DHX29: variants seen among roughly 807,000 people sequenced by gnomAD.
DHX29 encodes DExH-box helicase 29, also known as ATP-dependent RNA helicase DHX29.
Under a neutral mutation model 167.9 loss-of-function variants are expected in DHX29, and 79 were observed. The ratio of observed to expected loss-of-function variants is 0.47; its 90% CI spans 0.39 to 0.57. DHX29 has a LOEUF of 0.57. DHX29 is among the 20% of genes least tolerant of loss of function. DHX29 has a pLI of 0.00. For synonymous variants in DHX29, 530 were observed against 546.0 expected (o/e 0.97, Z 0.41); for missense variants, 1,347 against 1,593.4 (o/e 0.85, Z 2.63).
At chr5:55,296,199 G>T (rs1748309975) in intron 4 of DHX29, 21 bp downstream of exon 4, 2 of 1,588,034 alleles carry the variant, frequency 1.3e-6, no homozygotes, top group Non-Finnish European at 1.7e-6. Context: ...GAAACTGAAA[G>T]AATTTAATGA....
At chr5:55,270,738 A>G (rs1413486928) in intron 18 of DHX29, 32 bp from the exon 19 acceptor site, 1 of 1,573,382 alleles carries the variant, frequency 6.4e-7, no homozygotes, top group Non-Finnish European at 8.7e-7. Context: ...GAATATGTAG[A>G]TAATTGACTT....
At chr5:55,288,597 T>G (rs573510211) in intron 8 of DHX29, among the ~76,000 whole-genome samples, 1 of 152,192 alleles carries the variant, frequency 6.6e-6, no homozygotes, top group Admixed American at 6.5e-5. Context: ...TTCTCAAAAC[T>G]AAAATGCAAT....
chr5:55,274,597 TGAA>T lies in DHX29; in HGVS notation c.2690+14_2690+16del. On this transcript the variant is annotated intron_variant, in intron 16 of 26. Transcript: ENST00000251636. ...TATTTTAAAACTACCAGGAATATAATGAAGATGAGTAGTTACCGTTCAGAATAA... is the reference window on the plus strand; with the variant it reads ...TATTTTAAAACTACCAGGAATATAATGATGAGTAGTTACCGTTCAGAATAA... The T allele has an allele frequency of 6.6e-7, 1 of 1,508,656 alleles. No individual in the cohort carries two copies. The highest frequency in any genetic ancestry group is 9.0e-7 in the Non-Finnish European group (1 of 1,106,316). The allele number at this position is 1,508,656 out of a possible 1,614,324, so 93.5% of individuals were successfully genotyped here. A position where few individuals can be genotyped will look rare whatever the true frequency, so the allele number is the denominator to read the frequency against.
chr5:55,285,415 C>A lies in DHX29; in HGVS notation c.1234G>T (p.Val412Phe). The A allele has an allele frequency of 6.2e-7, 1 of 1,602,942 alleles. No homozygotes were observed. Among genetic ancestry groups the A allele is most frequent in the Non-Finnish European group, 8.5e-7 (1 of 1,176,262 alleles). The change falls in exon 10 of 27, where the codon GTT (valine) becomes TTT (phenylalanine). Residue 412 changes from valine to phenylalanine, a missense_variant and splice_region_variant. Transcript: ENST00000251636. ...TCATCTTCAGACTTGATTACCCTAA[C>A]CCTACAAAGAAGCAAACGCATTTTA... ...VPVGRYWKCR[V>F]RVIKSEDDVL...
intron 2 of DHX29, 48 bp downstream of exon 2, chr5:55,298,543 A>G (rs1390310123): frequency 8.5e-7 from 1 of 1,172,542 alleles, no homozygotes; most frequent in Non-Finnish European, 1.3e-6. Context: ...TTTGGGGGAA[A>G]AAAGGGGGAA....
Position 55,266,297 on chromosome 5 carries a change from T to A in DHX29, c.3525+841A>T, listed in dbSNP as rs1466793344. On this transcript the variant is annotated intron_variant, in intron 23 of 26. Transcript: ENST00000251636. ...AGGCATGAGCCACTGCGCCCAGTCC[T>A]TGTGTTGTTTTTGTTTTTTTTTTTT... Among the ~76,000 whole-genome samples the A allele has an allele frequency of 3.3e-5, 5 of 150,940 alleles. No individual in the cohort carries two copies. In the East Asian group the frequency reaches 9.7e-4, roughly 29 times the overall value.
At chr5:55,284,908 C>A (rs1271523661) in intron 10 of DHX29, among the ~76,000 whole-genome samples, 1 of 152,144 alleles carries the variant, frequency 6.6e-6, no homozygotes, top group Admixed American at 6.5e-5. Flanking sequence ...GTGGCACATG[C>A]CTGTAGTCCC....
In DHX29 at chr5:55,289,527, T is replaced by C. The variant is rs576326215; in HGVS notation, c.908-99A>G. The C allele has an allele frequency of 1.2e-4, 109 of 922,480 alleles. No individual in the cohort carries two copies. In the East Asian group the frequency reaches 3.3e-3, roughly 28 times the overall value. 57.1% of individuals were successfully genotyped at this position (922,480 alleles called of 1,614,324 possible). Reference sequence around the variant, plus strand: ...TGGTATTTATACACCAAGAGTTTCATGGTTTTCATGCCTTATTTTTTAAAA... The same window carrying C: ...TGGTATTTATACACCAAGAGTTTCACGGTTTTCATGCCTTATTTTTTAAAA... On this transcript the variant is annotated intron_variant, in intron 7 of 26. Coordinates refer to ENST00000251636, the MANE Select transcript of DHX29 (RefSeq NM_019030.4).
Position 55,307,585 on chromosome 5 carries a change from G to T in DHX29, c.-12C>A. 6.2e-7 allele frequency: 1 copy of T among 1,612,830 alleles called. No individual in the cohort carries two copies. Among genetic ancestry groups the T allele is most frequent in the South Asian group, 1.1e-5 (1 of 91,014 alleles). Reference sequence around the variant, plus strand: ...TTCTTGCCGCCCATGTTGCAGCTGTGGCAGAAGATCCTTCGCGGCCCAGGC... The same window carrying T: ...TTCTTGCCGCCCATGTTGCAGCTGTTGCAGAAGATCCTTCGCGGCCCAGGC... On this transcript the variant is annotated 5_prime_UTR_variant, in exon 1 of 27. Coordinates refer to ENST00000251636, the MANE Select transcript of DHX29 (RefSeq NM_019030.4).
intron 23 of DHX29, among the ~76,000 whole-genome samples, chr5:55,264,704 T>G (rs1162000544): frequency 6.6e-6 from 1 of 152,182 alleles, no homozygotes; most frequent in Non-Finnish European, 1.5e-5. Flanking sequence ...ACATCAAATA[T>G]ATTTAAATCA....
intron 24 of DHX29, 151 bp from the exon 25 acceptor site, chr5:55,261,650 C>T (rs1034904089): frequency 3.0e-5 from 18 of 606,846 alleles, no homozygotes; most frequent in South Asian, 1.1e-4. Context: ...TTCTTATGTG[C>T]ATAATTTATC....
At chr5:55,305,875 G>A (rs892653483) in intron 1 of DHX29, among the ~76,000 whole-genome samples, 1 of 152,156 alleles carries the variant, frequency 6.6e-6, no homozygotes, top group East Asian at 1.9e-4. Context: ...CAAAGGAAAA[G>A]ATAGAAGTAA....
At chr5:55,292,002 C>T (rs969120769) in intron 6 of DHX29, among the ~76,000 whole-genome samples, 22 of 152,276 alleles carry the variant, frequency 1.4e-4, no homozygotes, top group Non-Finnish European at 1.6e-4. Context: ...AATATCTCCT[C>T]CAAGACTCTG....
chr5:55,289,350 G>A lies in DHX29; in HGVS notation c.986C>T (p.Pro329Leu). Reference protein sequence around the residue: ...ISHQQNERKKPPVATEGESAL... With the variant: ...ISHQQNERKKLPVATEGESAL... ...ACTTTCTCCTTCTGTGGCTACAGGAGGCTTTTTCCTTTCATTTTGTTGATG... is the reference window on the plus strand; with the variant it reads ...ACTTTCTCCTTCTGTGGCTACAGGAAGCTTTTTCCTTTCATTTTGTTGATG... The change falls in exon 8 of 27, where the codon CCT (proline) becomes CTT (leucine). Residue 329 changes from proline to leucine, a missense_variant. Around this residue, in one of 3 missense-constraint regions of DHX29, gnomAD observed 405 missense variants for 416.8 expected, o/e 0.97. Coordinates refer to ENST00000251636, the MANE Select transcript of DHX29 (RefSeq NM_019030.4). The A allele has an allele frequency of 1.9e-6, 3 of 1,600,348 alleles. No individual in the cohort carries two copies. The highest frequency in any genetic ancestry group is 2.3e-5 in the East Asian group (1 of 44,010).
chr5:55,305,209 GAA>G (rs1409091706), intron 1 of DHX29, among the ~76,000 whole-genome samples: 1 of 152,168 alleles, frequency 6.6e-6, no homozygotes, highest in Admixed American at 6.5e-5. Flanking sequence ...CTATCAAAAA[GAA>G]TGATTTAAAC....
At chr5:55,299,641 A>T (rs1748502945) in intron 1 of DHX29, among the ~76,000 whole-genome samples, 1 of 151,940 alleles carries the variant, frequency 6.6e-6, no homozygotes, top group Admixed American at 6.6e-5. Context: ...CTGCCTCCTC[A>T]TTCACACGGC....
intron 1 of DHX29, among the ~76,000 whole-genome samples, chr5:55,300,374 CTAATAA>C (rs942033812): frequency 2.0e-5 from 3 of 149,364 alleles, no homozygotes; most frequent in Non-Finnish European, 4.4e-5. Flanking sequence ...GACCCTGTCT[CTAATAA>C]TAATAATAAT....
At position 55,262,838 on chromosome 5, in the gene DHX29, G is replaced by A; in HGVS notation, c.3620C>T (p.Thr1207Ile). The A allele has an allele frequency of 6.2e-7, 1 of 1,613,938 alleles. No individual in the cohort carries two copies. The highest frequency in any genetic ancestry group is 8.5e-7 in the Non-Finnish European group (1 of 1,179,862). The part of the protein sequence containing the change: ...TSWEGNRASQ[T>I]LSFQEIALLK... ...AAGGGCAATTTCTTGGAATGAGAGG[G>A]TCTGTGAGGCTCTGTTTCCTTCCCA... The change falls in exon 24 of 27, where the codon ACC becomes ATC. Residue 1207 changes from threonine to isoleucine, a missense_variant. By Grantham distance (89) the Thr-to-Ile change is moderately conservative (BLOSUM62 -1). This residue lies in a region of DHX29 where 882 missense variants were observed against 1,082.4 expected (regional missense o/e 0.81). Coordinates refer to ENST00000251636, the MANE Select transcript of DHX29 (RefSeq NM_019030.4).
intron 25 of DHX29, among the ~76,000 whole-genome samples, chr5:55,260,285 GCA>G (rs1746250078): frequency 6.6e-6 from 1 of 151,930 alleles, no homozygotes; most frequent in Admixed American, 6.6e-5. Context: ...AGGCTGGAGT[GCA>G]GTGGCGCAAT....
Sources: allele counts gnomAD v4.1 joint callset (sites outside exome capture counted in the v4.1 genomes callset), GRCh38; gene constraint gnomAD v4.1.1; regional missense constraint gnomAD v4.1.1; transcripts MANE v1.5; gene names NCBI Gene and HGNC (gene_info 2026-07-23, HGNC 2026-07-21).